The following EIF4G2 variants were observed in gnomAD, a reference collection of about 807,000 sequenced individuals.
EIF4G2 encodes the protein eukaryotic translation initiation factor 4 gamma 2, also known as DAP-5.
EIF4G2 carries 8 observed loss-of-function variants against 117.7 expected under a neutral mutation model. The observed-to-expected ratio is 0.07, with a 90% CI of 0.04 to 0.12. The LOEUF (loss-of-function observed/expected upper bound fraction) is 0.12. Among genes scored for constraint, EIF4G2 ranks in the 10% least tolerant of loss-of-function variants. EIF4G2 has a pLI of 1.00. For missense variants in EIF4G2, 812 were observed against 1,086.2 expected (o/e 0.75, Z 3.55); for synonymous variants, 413 against 367.8 (o/e 1.12, Z -1.41).
At chr11:10,799,971 TTTATCA>T (rs764905987) in intron 18 of EIF4G2, 113 bp downstream of exon 18, 4 of 1,225,194 alleles carry the variant, frequency 3.3e-6, no homozygotes, top group Admixed American at 2.3e-5. Context: ...TGTGGTAATG[TTTATCA>T]TTATCTGAGC....
chr11:10,802,921 CACT>C (rs1847469255), intron 11 of EIF4G2, 106 bp downstream of exon 11: 2 of 886,040 alleles, frequency 2.3e-6, no homozygotes, highest in Non-Finnish European at 1.7e-6. Flanking sequence ...TAAGCTCCAC[CACT>C]AAGATGAGAC....
At position 10,803,593 on chromosome 11, in the gene EIF4G2, A is replaced by G. The variant is rs1847485560; in HGVS notation, c.703-3T>C. ...ACTCTCTTCTTCTTTTCCAAAAGCT[A>G]CAAGAATAAAAGGCCATGGTGACAA... On this transcript the variant is annotated splice_region_variant and splice_polypyrimidine_tract_variant and intron_variant, in intron 8 of 21. Coordinates refer to ENST00000339995, the MANE Select transcript of EIF4G2 (RefSeq NM_001418.4). The surrounding 1 kb of genome is among the most constrained non-coding windows in gnomAD (Gnocchi z 4.0). 6.2e-7 allele frequency: 1 copy of G among 1,611,884 alleles called. No homozygotes were observed. The highest frequency in any genetic ancestry group is 8.5e-7 in the Non-Finnish European group (1 of 1,178,832).
intron 1 of EIF4G2, 124 bp downstream of exon 1, chr11:10,808,581 T>TAAAA: frequency 3.0e-5 from 28 of 923,848 alleles, no homozygotes; most frequent in Non-Finnish European, 3.8e-5. Flanking sequence ...GAGGAAATGC[T>TAAAA]AAAAAAGGGT....
At chr11:10,798,966 G>A (rs550886173) in intron 21 of EIF4G2, 26 bp downstream of exon 21, 2 of 1,585,192 alleles carry the variant, frequency 1.3e-6, no homozygotes, top group African/African-American at 1.4e-5. Flanking sequence ...GAAGTAAGCA[G>A]ACCAAATTTT....
At chr11:10,806,643 A>C in intron 3 of EIF4G2, 177 bp downstream of exon 3, 1 of 610,860 alleles carries the variant, frequency 1.6e-6, no homozygotes, top group Non-Finnish European at 2.8e-6. Context: ...CAACTCACTT[A>C]GAAAATTTGG....
chr11:10,805,171 A>G (rs566486478), intron 4 of EIF4G2, among the ~76,000 whole-genome samples, 156 bp from the exon 5 acceptor site: 1 of 152,374 alleles, frequency 6.6e-6, no homozygotes, highest in South Asian at 2.1e-4. Flanking sequence ...GGATGCTGAA[A>G]TAAACCTGTT....
intron 3 of EIF4G2, chr11:10,806,314 G>T: frequency 2.0e-6 from 1 of 491,490 alleles, no homozygotes; most frequent in Non-Finnish European, 3.6e-6. Flanking sequence ...AATATTCCCA[G>T]TATCAACGCT....
At chr11:10,808,568 G>T in intron 1 of EIF4G2, 137 bp downstream of exon 1, 1 of 1,002,482 alleles carries the variant, frequency 1.0e-6, no homozygotes, top group Non-Finnish European at 1.3e-6. Context: ...TATCTGAAGC[G>T]CAGAGGAAAT....
At chr11:10,806,927 T>A in intron 2 of EIF4G2, 42 bp from the exon 3 acceptor site, 2 of 1,530,532 alleles carry the variant, frequency 1.3e-6, no homozygotes, top group Non-Finnish European at 1.7e-6. Context: ...CCCAACTATG[T>A]CTCACTCAAA....
rs1847595342 is a variant in EIF4G2 at position 10,807,017 on chromosome 11, C to G, written c.42-132G>C. 4.1e-6 allele frequency: 5 copies of G among 1,206,300 alleles called. No individual in the cohort carries two copies. In the South Asian group the frequency reaches 5.3e-5, roughly 13 times the overall value. The allele number at this position is 1,206,300 out of a possible 1,614,324, so 74.7% of individuals were successfully genotyped here. On this transcript the variant is annotated intron_variant, in intron 2 of 21. Coordinates refer to ENST00000339995, the MANE Select transcript of EIF4G2 (RefSeq NM_001418.4). ...TATTTTGCCCAGACTGGAGCCAGGC[C>G]TGTATTTTAGTGCTTGTATATTATG...
rs144233078 is a variant in EIF4G2 at position 10,804,287 on chromosome 11, G to T, written c.483C>A (p.Thr161=). 6.2e-7 allele frequency: 1 copy of T among 1,613,328 alleles called. No homozygotes were observed. The highest frequency in any genetic ancestry group is 8.5e-7 in the Non-Finnish European group (1 of 1,179,694). ...CAAGCAAACAAAAACTACCACTTAC[G>T]GTGCTTTGCTTCTGTCCTGGTTGAC... The change falls in exon 6 of 22, where the codon ACC becomes ACA. Residue 161 remains threonine (T), a splice_region_variant and synonymous_variant. Coordinates refer to ENST00000339995, the MANE Select transcript of EIF4G2 (RefSeq NM_001418.4).
In EIF4G2 at chr11:10,802,094, TGTG is replaced by T; in HGVS notation, c.1251_1253del (p.Thr418del). The T allele has an allele frequency of 6.2e-7, 1 of 1,614,296 alleles. No homozygotes were observed. Among genetic ancestry groups the T allele is most frequent in the Non-Finnish European group, 8.5e-7 (1 of 1,180,058 alleles). On this transcript the variant is annotated inframe_deletion, in exon 13 of 22. Transcript: ENST00000339995. ...CTCCCATCTCTCCAAACTGCGATTG[TGTG>T]GGAGGCATGATGTGTCCCCCATGGC... is the stretch of plus-strand genomic sequence containing the variant.
At chr11:10,802,508 T>G in intron 11 of EIF4G2, 73 bp from the exon 12 acceptor site, 1 of 1,456,992 alleles carries the variant, frequency 6.9e-7, no homozygotes. Context: ...TTCTTGCAAC[T>G]AGGGGGGGAA....
Position 10,803,648 on chromosome 11 carries a change from A to G in EIF4G2, c.703-58T>C. 6.9e-7 allele frequency: 1 copy of G among 1,447,718 alleles called. No individual in the cohort carries two copies. The highest frequency in any genetic ancestry group is 9.6e-7 in the Non-Finnish European group (1 of 1,036,886). The allele number at this position is 1,447,718 out of a possible 1,614,324, so 89.7% of individuals were successfully genotyped here. On this transcript the variant is annotated intron_variant, in intron 8 of 21. Transcript: ENST00000339995. The surrounding 1 kb of genome is among the most constrained non-coding windows in gnomAD (Gnocchi z 4.0). ...TTAGTTACTCTGGTTTAGGCGTAGT[A>G]CTTTCTTTCCCTTTATGTTTGCACT...
Position 10,799,126 on chromosome 11 carries a change from AAAAAAAAG to A in EIF4G2, c.2537-21_2537-14del. The A allele has an allele frequency of 6.3e-7, 1 of 1,576,988 alleles. No individual in the cohort carries two copies. The highest frequency in any genetic ancestry group is 8.5e-7 in the Non-Finnish European group (1 of 1,170,294). On this transcript the variant is annotated splice_polypyrimidine_tract_variant and intron_variant, in intron 20 of 21. Transcript: ENST00000339995. ...CGAAGTAACATGCCTTAAAAAAAAAAAAAAAAAGAAAAAAGTAATAAGCCCATTATTTA... is the reference window on the plus strand; with the variant it reads ...CGAAGTAACATGCCTTAAAAAAAAAAAAAAAAGTAATAAGCCCATTATTTA...
In EIF4G2 at chr11:10,803,800, C is replaced by A. The variant is rs1455524811; in HGVS notation, c.702+99G>T. ...ATTCTGTTTAGTAAATTTTGTTGCA[C>A]ATCTGTATTTAACTAGTCAACCTCC... On this transcript the variant is annotated intron_variant, in intron 8 of 21. Transcript: ENST00000339995. This position sits in a 1 kb window ranked among gnomAD's most constrained non-coding sequence, Gnocchi z 4.0. 5 of 1,422,462 alleles carry A rather than the reference C, an allele frequency of 3.5e-6. No homozygotes were observed. The highest frequency in any genetic ancestry group is 4.8e-6 in the Non-Finnish European group (5 of 1,046,562). 88.1% of individuals were successfully genotyped at this position (1,422,462 alleles called of 1,614,324 possible). A position where few individuals can be genotyped will look rare whatever the true frequency, so the allele number is the denominator to read the frequency against.
Position 10,803,641 on chromosome 11 carries a change from G to T in EIF4G2, c.703-51C>A. 1 of 1,479,144 alleles carries T rather than the reference G, an allele frequency of 6.8e-7. No individual in the cohort carries two copies. The highest frequency in any genetic ancestry group is 9.4e-7 in the Non-Finnish European group (1 of 1,063,916). 91.6% of individuals were successfully genotyped at this position (1,479,144 alleles called of 1,614,324 possible). On this transcript the variant is annotated intron_variant, in intron 8 of 21. Coordinates refer to ENST00000339995, the MANE Select transcript of EIF4G2 (RefSeq NM_001418.4). This position sits in a 1 kb window ranked among gnomAD's most constrained non-coding sequence, Gnocchi z 4.0. ...CAAAGTTTTAGTTACTCTGGTTTAG[G>T]CGTAGTACTTTCTTTCCCTTTATGT...
intron 14 of EIF4G2, chr11:10,801,357 C>T: frequency 1.6e-6 from 1 of 619,274 alleles, no homozygotes; most frequent in South Asian, 1.9e-5. Context: ...GCAAATTTAA[C>T]TACAGTTTAG....
rs921812725 is a variant in EIF4G2 at position 10,804,528 on chromosome 11, T to C, written c.352-110A>G. The C allele has an allele frequency of 4.2e-5, 57 of 1,373,018 alleles. No individual in the cohort carries two copies. The African/African-American group carries it at 8.3e-4, about 20-fold the overall frequency. The allele number at this position is 1,373,018 out of a possible 1,614,324, so 85.1% of individuals were successfully genotyped here. Reference sequence around the variant, plus strand: ...TAGCTATTACAGTCTACCAAAAATGTCCAGTTATACAGATTTCATCTAGTC... The same window carrying C: ...TAGCTATTACAGTCTACCAAAAATGCCCAGTTATACAGATTTCATCTAGTC... On this transcript the variant is annotated intron_variant, in intron 5 of 21. Coordinates refer to ENST00000339995, the MANE Select transcript of EIF4G2 (RefSeq NM_001418.4).
Sources: gnomAD v4.1 joint callset for allele counts (sites outside exome capture counted in the v4.1 genomes callset) on GRCh38, gnomAD v4.1.1 for gene constraint, Gnocchi (gnomAD v3.1) non-coding constraint, MANE v1.5 for transcripts, NCBI Gene and HGNC (gene_info 2026-07-23, HGNC 2026-07-21) for gene names.